The following ADAM17 variants were observed in gnomAD, a reference collection of about 807,000 sequenced individuals.
The protein encoded by ADAM17 is disintegrin and metalloproteinase domain-containing protein 17.
ADAM17 carries 39 observed loss-of-function variants against 96.7 expected under a neutral mutation model. The observed-to-expected ratio is 0.40, with a 90% CI of 0.31 to 0.53. The LOEUF (loss-of-function observed/expected upper bound fraction) is 0.53, where lower values mean the gene tolerates loss of function less well. ADAM17 is among the 20% of genes least tolerant of loss of function. The pLI is 0.44. For synonymous variants in ADAM17, 344 were observed against 359.2 expected (o/e 0.96, Z 0.48); for missense variants, 777 against 1,013.2 (o/e 0.77, Z 3.17).
At chr2:9,554,248 C>T (rs1007718712) in intron 1 of ADAM17, among the ~76,000 whole-genome samples, 10 of 152,132 alleles carry the variant, frequency 6.6e-5, no homozygotes, top group African/African-American at 2.4e-4. Context: ...TTTAATATCT[C>T]AAAATACATA....
intron 13 of ADAM17, 52 bp downstream of exon 13, chr2:9,502,120 GA>G: frequency 6.9e-7 from 1 of 1,443,798 alleles, no homozygotes; most frequent in East Asian, 2.3e-5. Flanking sequence ...GTTTTTCAAA[GA>G]CACACACACA....
At chr2:9,499,087 G>A (rs1341453896) in intron 13 of ADAM17, among the ~76,000 whole-genome samples, 1 of 146,480 alleles carries the variant, frequency 6.8e-6, no homozygotes, top group Non-Finnish European at 1.5e-5. Context: ...GTTGTGAAAT[G>A]CTAATTGCTT....
chr2:9,519,420 C>T (rs1174264413), intron 8 of ADAM17, among the ~76,000 whole-genome samples: 1 of 152,180 alleles, frequency 6.6e-6, no homozygotes, highest in East Asian at 1.9e-4. Context: ...TGGAGGCTCA[C>T]AGAAAAGCAG....
At chr2:9,547,763 T>C (rs1408193483) in intron 1 of ADAM17, among the ~76,000 whole-genome samples, 1 of 152,000 alleles carries the variant, frequency 6.6e-6, no homozygotes, top group Non-Finnish European at 1.5e-5. Context: ...GGAAATTTCA[T>C]TATAGGCCAG....
rs368370085 is a variant in ADAM17 at position 9,500,116 on chromosome 2, T to C, written c.1648+2057A>G. On this transcript the variant is annotated intron_variant, in intron 13 of 18. Coordinates refer to ENST00000310823, the MANE Select transcript of ADAM17 (RefSeq NM_003183.6). ...AGATAAATGTTCACAGCAGCATTAT[T>C]TGTTATAGCAAAAAAGTGGAAGCAA... is the stretch of plus-strand genomic sequence containing the variant. Among the ~76,000 whole-genome samples, 702 of 152,340 alleles carry C rather than the reference T, an allele frequency of 4.6e-3. 7 individuals are homozygous for C. The highest frequency in any genetic ancestry group is 0.016 in the African/African-American group (676 of 41,584).
chr2:9,523,243 A>AGAGG lies in ADAM17; in HGVS notation c.843+5_843+6insCCTC, dbSNP rs767484718. ...AGTAATATAAGCCATATCTATTGAT[A>AGAGG]AATACCTGCTCTATCTGTATTCCAT... On this transcript the variant is annotated splice_donor_region_variant and intron_variant, in intron 7 of 18. Transcript: ENST00000310823. 1.3e-6 allele frequency: 2 copies of AGAGG among 1,591,938 alleles called. No individual in the cohort carries two copies. The highest frequency in any genetic ancestry group is 1.7e-6 in the Non-Finnish European group (2 of 1,164,746).
In ADAM17 at chr2:9,491,152, C is replaced by A; in HGVS notation, c.2083-1G>T. The A allele has an allele frequency of 6.2e-7, 1 of 1,612,372 alleles. No individual in the cohort carries two copies. Among genetic ancestry groups the A allele is most frequent in the East Asian group, 2.2e-5 (1 of 44,848 alleles). On this transcript the variant is annotated splice_acceptor_variant, in intron 17 of 18. Transcript: ENST00000310823. LOFTEE classifies it high-confidence loss of function. The stretch of plus-strand genomic sequence containing the variant: ...CATACTGTTTATCCAATTTCTTATC[C>A]TAGAAAGAAACAGCAAGAAGGTCAT...
rs1558488344 is a variant in ADAM17, at chr2:9,489,663, A to T, written c.*514T>A. On this transcript the variant is annotated 3_prime_UTR_variant, in exon 19 of 19. Transcript: ENST00000310823. Reference sequence around the variant, plus strand: ...ATAAAAACTCTGGGTAATAACTAGAAATAGACCCACAATTTAGAGACAATG... The same window carrying T: ...ATAAAAACTCTGGGTAATAACTAGATATAGACCCACAATTTAGAGACAATG... The T allele has an allele frequency of 1.3e-5, 2 of 151,932 alleles. No homozygotes were observed. Among genetic ancestry groups the T allele is most frequent in the Non-Finnish European group, 2.9e-5 (2 of 67,956 alleles). 9.4% of individuals were successfully genotyped at this position (151,932 alleles called of 1,614,324 possible).
chr2:9,502,879 C>CAAAAAA (rs758081961), intron 12 of ADAM17, among the ~76,000 whole-genome samples: 6 of 43,592 alleles, frequency 1.4e-4, no homozygotes, highest in African/African-American at 1.9e-4. Context: ...AATTCTGTCT[C>CAAAAAA]AAAAAAAAAA....
chr2:9,499,113 C>CTTTTTTTTT (rs59259119), intron 13 of ADAM17, among the ~76,000 whole-genome samples: 2 of 47,514 alleles, frequency 4.2e-5, no homozygotes, highest in African/African-American at 8.6e-5. Flanking sequence ...CTTTCTTCTT[C>CTTTTTTTTT]TTTTTTTTTT....
intron 1 of ADAM17, among the ~76,000 whole-genome samples, chr2:9,553,215 C>T (rs539960446): frequency 6.6e-6 from 1 of 152,298 alleles, no homozygotes; most frequent in East Asian, 1.9e-4. Context: ...GGTGATAACA[C>T]TTGCTATAAC....
chr2:9,492,981 A>T lies in ADAM17; in HGVS notation c.1999T>A (p.Phe667Ile). 6.2e-7 allele frequency: 1 copy of T among 1,610,006 alleles called. No homozygotes were observed. Among genetic ancestry groups the T allele is most frequent in the Non-Finnish European group, 8.5e-7 (1 of 1,177,980 alleles). The change falls in exon 17 of 19, where the codon TTT becomes ATT. Residue 667 changes from phenylalanine (F) to isoleucine (I), a missense_variant. Physicochemically the swap from Phe to Ile is conservative, Grantham distance 21. This residue lies in a region of ADAM17 where 197 missense variants were observed against 219.4 expected (regional missense o/e 0.90). Coordinates refer to ENST00000310823, the MANE Select transcript of ADAM17 (RefSeq NM_003183.6). ...GACCCAACGATGTTGTCTGCTAAAA[A>T]CTTTCCTGTGAACAATTCCAAACAG... ...DQLSINTFGK[F>I]LADNIVGSVL...
intron 6 of ADAM17, 82 bp downstream of exon 6, chr2:9,526,029 C>T (rs946608932): frequency 3.1e-6 from 4 of 1,294,758 alleles, no homozygotes; most frequent in Non-Finnish European, 4.2e-6. Context: ...GTATCTGGAA[C>T]AGATCTGGTT....
intron 13 of ADAM17, among the ~76,000 whole-genome samples, chr2:9,498,453 GA>G (rs756351254): frequency 1.4e-4 from 22 of 151,848 alleles, no homozygotes; most frequent in Admixed American, 2.0e-4. Context: ...TAGAGGAGGA[GA>G]AAAAAAACAC....
At position 9,505,373 on chromosome 2, in the gene ADAM17, G is replaced by C; in HGVS notation, c.1345-8C>G. 1 of 1,611,684 alleles carries C rather than the reference G, an allele frequency of 6.2e-7. No individual in the cohort carries two copies. The highest frequency in any genetic ancestry group is 1.1e-5 in the South Asian group (1 of 90,984). On this transcript the variant is annotated splice_region_variant and splice_polypyrimidine_tract_variant and intron_variant, in intron 11 of 18. Coordinates refer to ENST00000310823, the MANE Select transcript of ADAM17 (RefSeq NM_003183.6). ...ACTGCAGTTTGAAAACATCTTGAGA[G>C]AAAAAAGGCAATAAGGACCCAAAAT...
At chr2:9,505,089 C>CT (rs1377668209) in intron 12 of ADAM17, 77 bp downstream of exon 12, 3 of 1,479,944 alleles carry the variant, frequency 2.0e-6, no homozygotes, top group East Asian at 2.3e-5. Context: ...TCTAAAGCCC[C>CT]TGCAAGTTCA....
intron 1 of ADAM17, among the ~76,000 whole-genome samples, chr2:9,547,026 A>C (rs1301790713): frequency 6.6e-6 from 1 of 152,188 alleles, no homozygotes. Flanking sequence ...TCTTTAAAAA[A>C]CTACAATGGC....
chr2:9,502,210 C>G lies in ADAM17; in HGVS notation c.1611G>C (p.Ala537=). 2.5e-6 allele frequency: 4 copies of G among 1,614,066 alleles called. No individual in the cohort carries two copies. The highest frequency in any genetic ancestry group is 3.4e-6 in the Non-Finnish European group (4 of 1,180,018). Residue 537 remains alanine (A), a synonymous_variant, in exon 13 of 19, where the codon GCG becomes GCC. Coordinates refer to ENST00000310823, the MANE Select transcript of ADAM17 (RefSeq NM_003183.6). The stretch of plus-strand genomic sequence containing the variant: ...ACACGCCTTTGCAAGTAGCATTAAT[C>G]GCCTCCTGGCACTTCTTCTGGGCAG... ...FETAQKKCQE[A]INATCKGVSY...
intron 1 of ADAM17, among the ~76,000 whole-genome samples, chr2:9,553,600 G>A (rs1253264899): frequency 6.0e-5 from 9 of 149,686 alleles, no homozygotes; most frequent in Admixed American, 1.3e-4. Flanking sequence ...GCTTGAACCC[G>A]GGAGGCGGAG....
Sources: gnomAD v4.1 joint callset for allele counts (sites outside exome capture counted in the v4.1 genomes callset) on GRCh38, gnomAD v4.1.1 for gene constraint, gnomAD v4.1.1 regional missense constraint, MANE v1.5 for transcripts, NCBI Gene and HGNC (gene_info 2026-07-23, HGNC 2026-07-21) for gene names.